The following UBE2F variants were observed in gnomAD, a reference collection of about 807,000 sequenced individuals.
UBE2F encodes NEDD8-conjugating enzyme UBE2F.
Under a neutral mutation model 29.6 loss-of-function variants are expected in UBE2F, and 5 were observed. That is an observed-to-expected ratio of 0.17 (90% confidence interval 0.09 to 0.36). UBE2F has a LOEUF of 0.36. Ranked by LOEUF, UBE2F falls within the 10% of genes least tolerant of loss-of-function variation. UBE2F has a pLI of 1.00. For missense variants in UBE2F, 141 were observed against 228.5 expected, an observed-to-expected ratio of 0.62 and a Z score of 2.47; for synonymous variants, 66 against 81.8, an observed-to-expected ratio of 0.81 and a Z score of 1.04.
intron 4 of UBE2F, among the ~76,000 whole-genome samples, chr2:238,015,392 TAAAAG>T (rs980355809): frequency 5.3e-5 from 8 of 152,164 alleles, no homozygotes; most frequent in Non-Finnish European, 5.9e-5. Context: ...ATTCAGTTCT[TAAAAG>T]AAAAACCTAA....
chr2:238,004,493 A>AGTCTATGGCTCGTCTTTATTTCCTT (rs2063861290), intron 4 of UBE2F, among the ~76,000 whole-genome samples: 1 of 151,826 alleles, frequency 6.6e-6, no homozygotes, highest in Admixed American at 6.6e-5. Context: ...GTTTTTTCCT[A>AGTCTATGGCTCGTCTTTATTTCCTT]GTCTATGGCT....
chr2:237,973,848 C>A, intron 2 of UBE2F: 1 of 402,302 alleles, frequency 2.5e-6, no homozygotes, highest in Non-Finnish European at 3.5e-6. Context: ...ATAAATTTTG[C>A]ATTTATTCAT....
intron 5 of UBE2F, among the ~76,000 whole-genome samples, chr2:238,018,443 A>G (rs1424862734): frequency 6.6e-6 from 1 of 152,204 alleles, no homozygotes; most frequent in African/African-American, 2.4e-5. Context: ...TTTTCACTAT[A>G]GGAAGAAAGC....
chr2:238,011,674 T>C (rs1267755012), intron 4 of UBE2F, among the ~76,000 whole-genome samples: 3 of 152,346 alleles, frequency 2.0e-5, no homozygotes, highest in East Asian at 1.9e-4. Flanking sequence ...CCTGATTAAA[T>C]TGATGCATTT....
At chr2:238,004,110 A>G (rs1217256112) in intron 4 of UBE2F, among the ~76,000 whole-genome samples, 1 of 152,218 alleles carries the variant, frequency 6.6e-6, no homozygotes, top group East Asian at 1.9e-4. Flanking sequence ...GGTGTACCAC[A>G]GTTTGATTAT....
chr2:237,994,848 G>A (rs777745542), intron 4 of UBE2F, 39 bp downstream of exon 4: 8 of 1,560,202 alleles, frequency 5.1e-6, no homozygotes, highest in East Asian at 4.5e-5. Flanking sequence ...ATTTCAAACA[G>A]CGAATTATAA....
intron 3 of UBE2F, 141 bp from the exon 4 acceptor site, chr2:237,994,603 T>C: frequency 3.1e-6 from 2 of 635,640 alleles, no homozygotes; most frequent in Non-Finnish European, 5.6e-6. Context: ...ATCAGACAAA[T>C]AGGGAGGGAG....
rs1052573969 is a variant in UBE2F at position 237,988,425 on chromosome 2, G to A, written c.148+433G>A. Among the ~76,000 whole-genome samples, 77 of 144,810 alleles carry A rather than the reference G, an allele frequency of 5.3e-4. 2 individuals carry two copies. The highest frequency in any genetic ancestry group is 2.0e-3 in the African/African-American group (77 of 38,490). ...ATCAGGCCACTGCACTCCAACCTGG[G>A]CAACAGAGCAAGACTCCATCTCAAA... On this transcript the variant is annotated intron_variant, in intron 3 of 9. Coordinates refer to ENST00000272930, the MANE Select transcript of UBE2F (RefSeq NM_080678.3).
At chr2:237,996,589 C>T (rs1049134752) in intron 4 of UBE2F, among the ~76,000 whole-genome samples, 14 of 151,930 alleles carry the variant, frequency 9.2e-5, no homozygotes, top group African/African-American at 2.7e-4. Flanking sequence ...GATTCTCCTG[C>T]CTCAGCCTCC....
At chr2:238,017,093 T>C (rs980521842) in intron 5 of UBE2F, among the ~76,000 whole-genome samples, 1 of 152,214 alleles carries the variant, frequency 6.6e-6, no homozygotes, top group African/African-American at 2.4e-5. Flanking sequence ...ACAATAATTA[T>C]ACCAAATACC....
At chr2:237,979,059 A>G (rs1420144156) in intron 2 of UBE2F, among the ~76,000 whole-genome samples, 2 of 152,210 alleles carry the variant, frequency 1.3e-5, no homozygotes, top group African/African-American at 4.8e-5. Context: ...AAAGACCTCA[A>G]GGGTCTCCAG....
intron 8 of UBE2F, among the ~76,000 whole-genome samples, chr2:238,034,948 A>G (rs1006434355): frequency 2.0e-5 from 3 of 151,700 alleles, no homozygotes; most frequent in African/African-American, 7.3e-5. Flanking sequence ...GCTGGAGTGC[A>G]GTGGCGCCAT....
At chr2:238,004,134 GGT>G (rs1300259668) in intron 4 of UBE2F, among the ~76,000 whole-genome samples, 1 of 152,140 alleles carries the variant, frequency 6.6e-6, no homozygotes, top group African/African-American at 2.4e-5. Flanking sequence ...TTCATCAAAT[GGT>G]AGACATTTGA....
chr2:238,012,560 C>A (rs1037840928), intron 4 of UBE2F, among the ~76,000 whole-genome samples: 7 of 152,126 alleles, frequency 4.6e-5, no homozygotes, highest in Non-Finnish European at 8.8e-5. Context: ...CTATTTTCAC[C>A]CAAAGCTTGG....
rs1264455228 is a variant in UBE2F, at chr2:237,967,701, G to A, written c.-17+569G>A. ...ACCTGCAGCGGGAAGAGTAAGTATG[G>A]ACGCTTACCTACAACTGGGGGCGGC... On this transcript the variant is annotated intron_variant, in intron 1 of 9. Coordinates refer to ENST00000272930, the MANE Select transcript of UBE2F (RefSeq NM_080678.3). The surrounding 1 kb of genome is among the most constrained non-coding windows in gnomAD (Gnocchi z 6.3). Among the ~76,000 whole-genome samples, 5 of 152,218 alleles carry A rather than the reference G, an allele frequency of 3.3e-5. No individual in the cohort carries two copies. The highest frequency in any genetic ancestry group is 1.2e-4 in the African/African-American group (5 of 41,460).
chr2:238,008,065 C>T (rs1033722841), intron 4 of UBE2F, among the ~76,000 whole-genome samples: 6 of 152,118 alleles, frequency 3.9e-5, no homozygotes, highest in African/African-American at 7.2e-5. Flanking sequence ...GCAGTCCTCC[C>T]GCCTCAGGCT....
intron 4 of UBE2F, among the ~76,000 whole-genome samples, chr2:238,004,131 A>T (rs1029945123): frequency 6.6e-6 from 1 of 152,240 alleles, no homozygotes; most frequent in Non-Finnish European, 1.5e-5. Context: ...CCATTCATCA[A>T]ATGGTAGACA....
chr2:237,993,653 C>T (rs1002550254), intron 3 of UBE2F, among the ~76,000 whole-genome samples: 17 of 152,090 alleles, frequency 1.1e-4, no homozygotes, highest in Admixed American at 2.0e-4. Context: ...GCAGAGGTTG[C>T]GGTGAGCTGG....
intron 2 of UBE2F, among the ~76,000 whole-genome samples, chr2:237,981,647 GA>G (rs2063378701): frequency 1.1e-5 from 1 of 94,332 alleles, no homozygotes; most frequent in Non-Finnish European, 2.1e-5. Context: ...TTTTTTTTGA[GA>G]CAGGGCCTTA....
Sources: gnomAD v4.1 joint callset for allele counts (sites outside exome capture counted in the v4.1 genomes callset) on GRCh38, gnomAD v4.1.1 for gene constraint, Gnocchi (gnomAD v3.1) non-coding constraint, MANE v1.5 for transcripts, NCBI Gene and HGNC (gene_info 2026-07-23, HGNC 2026-07-21) for gene names.